The following CADPS variants were observed in gnomAD, a reference collection of about 807,000 sequenced individuals.
The protein encoded by CADPS is calcium dependent secretion activator, also known as calcium-dependent secretion activator 1.
Under a neutral mutation model 167.3 loss-of-function variants are expected in CADPS, and 57 were observed. The ratio of observed to expected loss-of-function variants is 0.34; its 90% CI spans 0.28 to 0.42. The LOEUF is 0.42. Among genes scored for constraint, CADPS ranks in the 20% least tolerant of loss-of-function variants. The probability of loss-of-function intolerance (pLI) is 1.00; values close to 1 mark genes in which losing one functional copy is unlikely to be tolerated. For missense variants in CADPS, 1,414 were observed against 1,738.1 expected, an observed-to-expected ratio of 0.81 and a Z score of 3.32; for synonymous variants, 676 against 635.3, an observed-to-expected ratio of 1.06 and a Z score of -0.96.
At chr3:62,498,831 C>G (rs765467592) in intron 18 of CADPS, among the ~76,000 whole-genome samples, 1 of 151,372 alleles carries the variant, frequency 6.6e-6, no homozygotes, top group Non-Finnish European at 1.5e-5. Context: ...GCAACAAAAA[C>G]AACCACAAAA....
chr3:62,851,323 T>C (rs2078534514), intron 1 of CADPS, among the ~76,000 whole-genome samples: 1 of 120,792 alleles, frequency 8.3e-6, no homozygotes, highest in African/African-American at 3.1e-5. Flanking sequence ...CATTATGATG[T>C]TAGCTGGTGA....
rs1045130168 is a variant in CADPS at position 62,760,063 on chromosome 3, C to T, written c.555+5808G>A. Among the ~76,000 whole-genome samples the T allele has an allele frequency of 2.0e-5, 3 of 152,168 alleles. No individual in the cohort carries two copies. In the East Asian group the frequency reaches 5.8e-4, roughly 29 times the overall value. The stretch of plus-strand genomic sequence containing the variant: ...AGTACTTTCCCTTTTCTTTTCTATG[C>T]CCTTTTCCCCTGCTCCATCTTGCAC... On this transcript the variant is annotated intron_variant, in intron 2 of 29. Coordinates refer to ENST00000383710, the MANE Select transcript of CADPS (RefSeq NM_003716.4).
intron 1 of CADPS, among the ~76,000 whole-genome samples, chr3:62,824,336 T>C (rs1196726687): frequency 2.0e-5 from 3 of 152,160 alleles, no homozygotes; most frequent in African/African-American, 7.2e-5. Flanking sequence ...CAATTAAACT[T>C]TGTGGCAGCA....
At chr3:62,428,296 CTTTTTTTTTTTTTTTTTTT>C (rs34002756) in intron 28 of CADPS, among the ~76,000 whole-genome samples, 4 of 64,662 alleles carry the variant, frequency 6.2e-5, no homozygotes, top group African/African-American at 1.6e-4. Flanking sequence ...GGAAGCAAGA[CTTTTTTTTTTTTTTTTTTT>C]TTTTTTTTTT....
chr3:62,838,120 C>T (rs2076155565), intron 1 of CADPS, among the ~76,000 whole-genome samples: 1 of 152,196 alleles, frequency 6.6e-6, no homozygotes, highest in Non-Finnish European at 1.5e-5. Context: ...CATGTGTCCA[C>T]ACTGGAAAAG....
chr3:62,566,140 T>C (rs748567813), intron 9 of CADPS, among the ~76,000 whole-genome samples: 17 of 152,344 alleles, frequency 1.1e-4, no homozygotes, highest in South Asian at 4.1e-4. Context: ...TGGGTAGATA[T>C]ACTTTCTGTT....
In CADPS at chr3:62,403,182, A is replaced by G. The variant is rs747437965; in HGVS notation, c.3781T>C (p.Trp1261Arg). The G allele has an allele frequency of 6.2e-7, 1 of 1,611,750 alleles. No individual in the cohort carries two copies. The highest frequency in any genetic ancestry group is 2.2e-5 in the East Asian group (1 of 44,856). ...ATCACGTTCATGGAGCTGTTGTACC[A>G]TTGCTGAAAAAAGAGACAAAAGTTC... ...EMYIERLFDQ[W>R]YNSSMNVICT... is the part of the protein sequence containing the mutation. Residue 1261 changes from tryptophan (W) to arginine (R), a missense_variant, in exon 29 of 30, where the codon TGG becomes CGG. Trp to Arg is a moderately radical substitution (Grantham distance 101). Around this residue, in one of 6 missense-constraint regions of CADPS, gnomAD observed 185 missense variants for 251.5 expected, o/e 0.74. Transcript: ENST00000383710.
At chr3:62,765,783 A>T (rs1161444686) in intron 2 of CADPS, 88 bp downstream of exon 2, 1 of 756,774 alleles carries the variant, frequency 1.3e-6, no homozygotes, top group Non-Finnish European at 2.2e-6. Flanking sequence ...TAGTAAACCA[A>T]AACGACTGTC....
At chr3:62,830,433 A>G (rs1258022743) in intron 1 of CADPS, among the ~76,000 whole-genome samples, 1 of 152,206 alleles carries the variant, frequency 6.6e-6, no homozygotes, top group Non-Finnish European at 1.5e-5. Context: ...CCTCTTGGAT[A>G]TACTTATCAG....
intron 25 of CADPS, 78 bp downstream of exon 25, chr3:62,466,261 G>T: frequency 3.1e-6 from 3 of 969,150 alleles, no homozygotes; most frequent in African/African-American, 1.6e-5. Flanking sequence ...ACTTTTTAAT[G>T]TGTTACATTT....
At chr3:62,537,216 G>A (rs573529615) in intron 11 of CADPS, among the ~76,000 whole-genome samples, 2 of 152,274 alleles carry the variant, frequency 1.3e-5, no homozygotes, top group South Asian at 4.1e-4. Context: ...TTTCCTTATA[G>A]TGTGCTTACT....
chr3:62,649,581 G>C (rs1374886153), intron 5 of CADPS, among the ~76,000 whole-genome samples: 1 of 82,682 alleles, frequency 1.2e-5, no homozygotes, highest in Non-Finnish European at 2.3e-5. Flanking sequence ...TTTTTTTAAA[G>C]ACAGGGTCTC....
At chr3:62,870,466 T>C (rs1051895857) in intron 1 of CADPS, among the ~76,000 whole-genome samples, 1 of 152,084 alleles carries the variant, frequency 6.6e-6, no homozygotes, top group Non-Finnish European at 1.5e-5. Flanking sequence ...CTTGCCCAAA[T>C]AAGCCCAAGT....
In CADPS at chr3:62,601,684, C is replaced by G. The variant is rs1578585311; in HGVS notation, c.1326-8936G>C. On this transcript the variant is annotated intron_variant, in intron 6 of 29. Transcript: ENST00000383710. The surrounding 1 kb of genome is among the most constrained non-coding windows in gnomAD (Gnocchi z 4.3). ...AATGCTGCTTCCTGATCCACTTGAG[C>G]TGGCTGACTCATTTAGTCACACTAC... Among the ~76,000 whole-genome samples the G allele has an allele frequency of 6.6e-6, 1 of 152,188 alleles. No individual in the cohort carries two copies. The highest frequency in any genetic ancestry group is 2.4e-5 in the African/African-American group (1 of 41,448).
At chr3:62,490,414 A>C (rs2063511404) in intron 21 of CADPS, among the ~76,000 whole-genome samples, 1 of 152,178 alleles carries the variant, frequency 6.6e-6, no homozygotes, top group African/African-American at 2.4e-5. Context: ...TCCATATAGG[A>C]GTCTCTATTT....
intron 1 of CADPS, among the ~76,000 whole-genome samples, chr3:62,825,000 C>T (rs2073776196): frequency 6.6e-6 from 1 of 152,080 alleles, no homozygotes; most frequent in African/African-American, 2.4e-5. Flanking sequence ...GGACAAAGCC[C>T]CTAACCCTAA....
intron 28 of CADPS, among the ~76,000 whole-genome samples, chr3:62,428,072 T>C (rs1200853759): frequency 1.3e-5 from 2 of 152,124 alleles, no homozygotes; most frequent in Admixed American, 1.3e-4. Flanking sequence ...GACACTATCA[T>C]TGTAAGCCTT....
At chr3:62,770,559 G>A (rs1248986218) in intron 1 of CADPS, among the ~76,000 whole-genome samples, 1 of 151,984 alleles carries the variant, frequency 6.6e-6, no homozygotes. Context: ...CTGAGTAGCT[G>A]GGATTACAGG....
intron 1 of CADPS, among the ~76,000 whole-genome samples, chr3:62,839,812 C>T (rs1269446895): frequency 1.3e-5 from 2 of 152,102 alleles, no homozygotes; most frequent in African/African-American, 4.8e-5. Flanking sequence ...GCAGATGCAT[C>T]AAACAGTTAA....
Sources: gnomAD v4.1 joint callset for allele counts (sites outside exome capture counted in the v4.1 genomes callset) on GRCh38, gnomAD v4.1.1 for gene constraint, gnomAD v4.1.1 regional missense constraint, Gnocchi (gnomAD v3.1) non-coding constraint, MANE v1.5 for transcripts, NCBI Gene and HGNC (gene_info 2026-07-23, HGNC 2026-07-21) for gene names.